SHISA5: variants seen among roughly 807,000 people sequenced by gnomAD.
The protein encoded by SHISA5 is shisa family member 5.
SHISA5 carries 21 observed loss-of-function variants against 27.5 expected under a neutral mutation model. The observed-to-expected ratio is 0.76, with a 90% CI of 0.54 to 1.10. The LOEUF is 1.10. Among genes scored for constraint, SHISA5 ranks in the 50% least tolerant of loss-of-function variants. SHISA5 has a pLI of 0.00. For missense variants in SHISA5, 314 were observed against 336.3 expected, an observed-to-expected ratio of 0.93 and a Z score of 0.52; for synonymous variants, 137 against 142.2, an observed-to-expected ratio of 0.96 and a Z score of 0.26.
chr3:48,501,967 T>C (rs559274016), intron 1 of SHISA5, among the ~76,000 whole-genome samples: 1 of 151,866 alleles, frequency 6.6e-6, no homozygotes, highest in East Asian at 1.9e-4. Flanking sequence ...TCCAAGCAAT[T>C]TTCCTGCCTC....
intron 1 of SHISA5, 125 bp from the exon 2 acceptor site, chr3:48,501,418 C>A (rs1245753014): frequency 8.8e-7 from 1 of 1,136,150 alleles, no homozygotes; most frequent in South Asian, 1.5e-5. Flanking sequence ...TCTGAGCCAC[C>A]CTAGCCACAG....
chr3:48,498,738 C>T (rs1340572658), intron 2 of SHISA5, among the ~76,000 whole-genome samples: 4 of 146,226 alleles, frequency 2.7e-5, no homozygotes, highest in African/African-American at 5.0e-5. Flanking sequence ...AAGTAACAGT[C>T]GAAGAAAAAT....
chr3:48,474,755 T>C (rs576034319), intron 3 of SHISA5, among the ~76,000 whole-genome samples: 1 of 152,320 alleles, frequency 6.6e-6, no homozygotes, highest in East Asian at 1.9e-4. Context: ...TCCTTTCAGC[T>C]TTGAAAGCAC....
rs566776498 is a variant in SHISA5 at position 48,487,755 on chromosome 3, G to A, written c.234-8498C>T. Among the ~76,000 whole-genome samples, 89 of 152,240 alleles carry A rather than the reference G, an allele frequency of 5.8e-4. 1 individual carries two copies. The South Asian group carries it at 0.014, about 24-fold the overall frequency. On this transcript the variant is annotated intron_variant, in intron 2 of 5. Transcript: ENST00000296444. The stretch of plus-strand genomic sequence containing the variant: ...TAAAAATACCAAAAAAATTATCTGG[G>A]CATGGTGGCACATGCCTGTAACCCA...
intron 2 of SHISA5, among the ~76,000 whole-genome samples, chr3:48,485,386 T>G (rs948833768): frequency 6.6e-6 from 1 of 151,166 alleles, no homozygotes; most frequent in African/African-American, 2.4e-5. Context: ...TCCCAGCTAC[T>G]AGGGAGGCTG....
At chr3:48,484,945 G>A (rs1337967455) in intron 2 of SHISA5, among the ~76,000 whole-genome samples, 4 of 152,146 alleles carry the variant, frequency 2.6e-5, no homozygotes, top group Non-Finnish European at 5.9e-5. Flanking sequence ...CAGGCATGTA[G>A]TACTTTGGGA....
intron 2 of SHISA5, among the ~76,000 whole-genome samples, chr3:48,483,791 A>G (rs2041109734): frequency 1.3e-5 from 2 of 148,434 alleles, no homozygotes; most frequent in Admixed American, 6.7e-5. Flanking sequence ...TCCCTCCCGG[A>G]CGGGGCGGCT....
At chr3:48,487,160 C>A (rs1254444918) in intron 2 of SHISA5, among the ~76,000 whole-genome samples, 1 of 151,814 alleles carries the variant, frequency 6.6e-6, no homozygotes, top group Non-Finnish European at 1.5e-5. Flanking sequence ...CCACACACTC[C>A]CACACAGATG....
intron 3 of SHISA5, among the ~76,000 whole-genome samples, chr3:48,478,157 A>G (rs544788878): frequency 2.5e-4 from 38 of 152,332 alleles, no homozygotes; most frequent in Admixed American, 2.3e-3. Context: ...TCAGGGCAGG[A>G]CAGCCGCTCC....
At chr3:48,479,749 T>A (rs1304006350) in intron 2 of SHISA5, among the ~76,000 whole-genome samples, 1 of 151,234 alleles carries the variant, frequency 6.6e-6, no homozygotes, top group Non-Finnish European at 1.5e-5. Flanking sequence ...CCCGCCACCA[T>A]GCGCAGCTAA....
intron 1 of SHISA5, chr3:48,502,407 C>A (rs1294938129): frequency 2.2e-6 from 1 of 456,732 alleles, no homozygotes; most frequent in East Asian, 6.9e-5. Context: ...GAGTTTGAGA[C>A]CAGCCTGGGC....
Position 48,469,026 on chromosome 3 carries a change from G to A in SHISA5, c.*81C>T, listed in dbSNP as rs1274204069. ...TGCCTGGACACACACAGCACACATG[G>A]GGCGTAAGGAACCGCGCCTGCACAC... is the stretch of plus-strand genomic sequence containing the variant. On this transcript the variant is annotated 3_prime_UTR_variant, in exon 6 of 6. Transcript: ENST00000296444. This position sits in a 1 kb window ranked among gnomAD's most constrained non-coding sequence, Gnocchi z 4.6. 1.9e-6 allele frequency: 3 copies of A among 1,601,516 alleles called. No homozygotes were observed. The Admixed American group carries it at 5.0e-5, about 27-fold the overall frequency.
At chr3:48,495,521 C>G (rs2041515322) in intron 2 of SHISA5, among the ~76,000 whole-genome samples, 1 of 145,298 alleles carries the variant, frequency 6.9e-6, no homozygotes, top group Non-Finnish European at 1.5e-5. Flanking sequence ...TTTTTTTTTC[C>G]ACTTTTTTCG....
rs146853691 is a variant in SHISA5, at chr3:48,473,605, A to G, written c.315-3762T>C. The G allele has an allele frequency of 6.3e-4, 766 of 1,221,552 alleles. 4 individuals carry two copies. The African/African-American group carries it at 0.011, about 17-fold the overall frequency. The allele number at this position is 1,221,552 out of a possible 1,614,324, so 75.7% of individuals were successfully genotyped here. On this transcript the variant is annotated intron_variant, in intron 3 of 5. Coordinates refer to ENST00000296444, the MANE Select transcript of SHISA5 (RefSeq NM_016479.6). The surrounding 1 kb of genome is among the most constrained non-coding windows in gnomAD (Gnocchi z 4.3). ...TCTGTCTCCCCATGTTCTCCCGGCC[A>G]CCCTACTGGGGCCACCATGCAAGGT...
In SHISA5 at chr3:48,469,819, G is replaced by T; in HGVS notation, c.339C>A (p.Gly113=). The change falls in exon 4 of 6, where the codon GGC becomes GGA. Residue 113 remains glycine, a synonymous_variant. Coordinates refer to ENST00000296444, the MANE Select transcript of SHISA5 (RefSeq NM_016479.6). This position sits in a 1 kb window ranked among gnomAD's most constrained non-coding sequence, Gnocchi z 4.6. The part of the protein sequence containing the change: ...MSGFGATLAV[G]LTIFVLSVVT... The stretch of plus-strand genomic sequence containing the variant: ...CGACAGACAGCACAAAGATGGTCAG[G>T]CCAACGGCCAAGGTCGCTCCGAACC... 1 of 1,613,986 alleles carries T rather than the reference G, an allele frequency of 6.2e-7. No homozygotes were observed. The highest frequency in any genetic ancestry group is 8.5e-7 in the Non-Finnish European group (1 of 1,179,922).
In SHISA5 at chr3:48,470,008, T is replaced by A; in HGVS notation, c.315-165A>T. The A allele has an allele frequency of 1.2e-6, 1 of 867,020 alleles. No individual in the cohort carries two copies. The highest frequency in any genetic ancestry group is 1.8e-6 in the Non-Finnish European group (1 of 567,284). 53.7% of individuals were successfully genotyped at this position (867,020 alleles called of 1,614,324 possible). A position where few individuals can be genotyped will look rare whatever the true frequency, so the allele number is the denominator to read the frequency against. ...CTGTTTCAATCTGTTTCCTCTTGTG[T>A]AAACTGGGGTATATGTGAGTCCCTG... On this transcript the variant is annotated intron_variant, in intron 3 of 5. Coordinates refer to ENST00000296444, the MANE Select transcript of SHISA5 (RefSeq NM_016479.6). The surrounding 1 kb of genome is among the most constrained non-coding windows in gnomAD (Gnocchi z 4.3).
chr3:48,496,941 C>A (rs922376181), intron 2 of SHISA5, among the ~76,000 whole-genome samples: 13 of 151,608 alleles, frequency 8.6e-5, no homozygotes, highest in Non-Finnish European at 1.9e-4. Context: ...GTCAATTCCA[C>A]AGAAATGGCC....
rs1282452727 is a variant in SHISA5, at chr3:48,468,854, T to C, written c.*253A>G. ...CCCATTCTTTGAGTTTGGCTTGAGA[T>C]TTTAGGAAGCATAATTTCAGGTGAG... On this transcript the variant is annotated 3_prime_UTR_variant, in exon 6 of 6. Transcript: ENST00000296444. The C allele has an allele frequency of 2.7e-6, 4 of 1,509,332 alleles. No individual in the cohort carries two copies. The highest frequency in any genetic ancestry group is 2.6e-5 in the East Asian group (1 of 38,576). 93.5% of individuals were successfully genotyped at this position (1,509,332 alleles called of 1,614,324 possible). A position where few individuals can be genotyped will look rare whatever the true frequency, so the allele number is the denominator to read the frequency against.
chr3:48,479,235 C>G lies in SHISA5; in HGVS notation c.256G>C (p.Val86Leu), dbSNP rs766203231. The stretch of plus-strand genomic sequence containing the variant: ...CTCAGCGCCGAGCCCAGCTGCTCCA[C>G]CGGCTCTACACTGGCAGGCACGCTG... ...EASVPASVEP[V>L]EQLGSALRFR... is the part of the protein sequence containing the mutation. The change falls in exon 3 of 6, where the codon GTG becomes CTG. Residue 86 changes from valine (V) to leucine (L), a missense_variant. Coordinates refer to ENST00000296444, the MANE Select transcript of SHISA5 (RefSeq NM_016479.6). The G allele has an allele frequency of 6.2e-7, 1 of 1,609,886 alleles. No individual in the cohort carries two copies. The highest frequency in any genetic ancestry group is 1.3e-5 in the African/African-American group (1 of 75,006).
Sources: allele counts gnomAD v4.1 joint callset (sites outside exome capture counted in the v4.1 genomes callset), GRCh38; gene constraint gnomAD v4.1.1; non-coding constraint Gnocchi (gnomAD v3.1); transcripts MANE v1.5; gene names NCBI Gene and HGNC (gene_info 2026-07-23, HGNC 2026-07-21).